PIK3C2G: variants seen among roughly 807,000 people sequenced by gnomAD.
PIK3C2G encodes phosphatidylinositol 3-kinase C2 domain-containing subunit gamma.
In PIK3C2G, 168 loss-of-function variants were observed where a neutral mutation model predicts 181.1. The observed-to-expected ratio is 0.93, with a 90% CI of 0.82 to 1.05. The LOEUF is 1.05. Among genes scored for constraint, PIK3C2G ranks in the 50% least tolerant of loss-of-function variants. The pLI, the probability that PIK3C2G is intolerant of heterozygous loss-of-function variation, is 0.00. For missense variants in PIK3C2G, 1,869 were observed against 1,732.8 expected (o/e 1.08, Z -1.40); for synonymous variants, 573 against 592.2 (o/e 0.97, Z 0.47).
At chr12:18,502,798 A>C (rs1052529427) in intron 22 of PIK3C2G, among the ~76,000 whole-genome samples, 1 of 152,054 alleles carries the variant, frequency 6.6e-6, no homozygotes, top group African/African-American at 2.4e-5. Flanking sequence ...TATTCTGTTC[A>C]CTCCCGCAAA....
chr12:18,666,074 TAA>T, the PIK3C2G span, among the ~76,000 whole-genome samples: 2 of 151,796 alleles, frequency 1.3e-5, no homozygotes, highest in Non-Finnish European at 2.9e-5. Flanking sequence ...AATCTCCAGG[TAA>T]ACCATTAAGA....
intron 14 of PIK3C2G, among the ~76,000 whole-genome samples, chr12:18,389,571 T>C (rs1943408211): frequency 6.6e-6 from 1 of 152,314 alleles, no homozygotes; most frequent in African/African-American, 2.4e-5. Flanking sequence ...TAGATATTAC[T>C]TATATCTTTC....
chr12:18,446,806 G>A (rs911466945), intron 18 of PIK3C2G, among the ~76,000 whole-genome samples: 2 of 152,068 alleles, frequency 1.3e-5, no homozygotes, highest in Non-Finnish European at 2.9e-5. Context: ...CAAAATGAAG[G>A]GCACTCTGTT....
At chr12:18,610,280 C>T (rs1446214051) in intron 31 of PIK3C2G, among the ~76,000 whole-genome samples, 2 of 152,068 alleles carry the variant, frequency 1.3e-5, no homozygotes, top group Non-Finnish European at 1.5e-5. Context: ...AATGGGTTCT[C>T]CACGTGGTAT....
At chr12:18,368,045 C>T (rs1181757030) in intron 12 of PIK3C2G, among the ~76,000 whole-genome samples, 1 of 152,148 alleles carries the variant, frequency 6.6e-6, no homozygotes, top group Non-Finnish European at 1.5e-5. Flanking sequence ...TAAGAACTCA[C>T]TCACTATCAT....
chr12:18,348,415 T>C (rs1432707024), intron 11 of PIK3C2G, among the ~76,000 whole-genome samples: 1 of 151,996 alleles, frequency 6.6e-6, no homozygotes, highest in African/African-American at 2.4e-5. Context: ...AGAGTAAAAA[T>C]AGAGCACTTT....
chr12:18,520,002 T>TA (rs889312316), intron 24 of PIK3C2G, among the ~76,000 whole-genome samples: 1,970 of 46,268 alleles, frequency 0.043, 28 homozygotes, highest in African/African-American at 0.083. Flanking sequence ...CAATAAATAC[T>TA]AAAAAAAAAA....
chr12:18,425,386 CTTTTTTTTT>C (rs1228477062), intron 18 of PIK3C2G, among the ~76,000 whole-genome samples: 1 of 65,312 alleles, frequency 1.5e-5, no homozygotes, highest in African/African-American at 6.1e-5. Flanking sequence ...ACAGACATTT[CTTTTTTTTT>C]TTTTTTTTTT....
At chr12:18,598,838 G>C (rs1283723467) in intron 30 of PIK3C2G, among the ~76,000 whole-genome samples, 2 of 151,692 alleles carry the variant, frequency 1.3e-5, no homozygotes, top group African/African-American at 4.8e-5. Flanking sequence ...GTGGGCGAAG[G>C]ACATGAACAG....
intron 29 of PIK3C2G, among the ~76,000 whole-genome samples, chr12:18,580,556 T>C (rs1209720569): frequency 6.6e-6 from 1 of 152,210 alleles, no homozygotes; most frequent in African/African-American, 2.4e-5. Flanking sequence ...GCAGGATAAA[T>C]GTCATATGTG....
intron 28 of PIK3C2G, 62 bp downstream of exon 28, chr12:18,563,560 A>G: frequency 6.6e-7 from 1 of 1,505,478 alleles, no homozygotes; most frequent in Non-Finnish European, 9.1e-7. Flanking sequence ...AAAAAGAAAA[A>G]TTATGGTTAT....
intron 20 of PIK3C2G, 79 bp from the exon 21 acceptor site, chr12:18,495,983 T>G: frequency 3.0e-6 from 2 of 669,050 alleles, no homozygotes; most frequent in Non-Finnish European, 5.0e-6. Flanking sequence ...GGCTATGATT[T>G]TGGGGAAAAG....
the PIK3C2G span, chr12:18,696,062 A>G: frequency 1.4e-6 from 1 of 705,908 alleles, no homozygotes. Flanking sequence ...TTTTACAGAA[A>G]GCCCTTTTCA....
chr12:18,331,274 A>T (rs1444611290), intron 8 of PIK3C2G, among the ~76,000 whole-genome samples: 1 of 152,136 alleles, frequency 6.6e-6, no homozygotes, highest in Non-Finnish European at 1.5e-5. Flanking sequence ...TTGATATTTT[A>T]AAAAATTGTA....
At chr12:18,265,126 C>T (rs1204668847) in intron 1 of PIK3C2G, among the ~76,000 whole-genome samples, 1 of 152,096 alleles carries the variant, frequency 6.6e-6, no homozygotes, top group Non-Finnish European at 1.5e-5. Flanking sequence ...ATTCAAACTC[C>T]AAGGAGAAAA....
intron 5 of PIK3C2G, 36 bp downstream of exon 5, chr12:18,294,051 C>T (rs201870164): frequency 2.5e-4 from 231 of 923,956 alleles, no homozygotes; most frequent in Non-Finnish European, 3.1e-4. Context: ...GTATTATAAT[C>T]TGTAAATATT....
intron 18 of PIK3C2G, among the ~76,000 whole-genome samples, chr12:18,475,373 A>ACACAC (rs1938870745): frequency 4.3e-5 from 6 of 139,920 alleles, no homozygotes; most frequent in Non-Finnish European, 6.2e-5. Context: ...CCACCACCCC[A>ACACAC]ACACACACAC....
chr12:18,623,233 T>C (rs541044075), intron 31 of PIK3C2G, among the ~76,000 whole-genome samples: 2 of 151,950 alleles, frequency 1.3e-5, no homozygotes, highest in Admixed American at 1.3e-4. Context: ...TGGTGTGAGA[T>C]AAGGGTTCAA....
At chr12:18,628,417 G>A (rs1201616834) in intron 31 of PIK3C2G, among the ~76,000 whole-genome samples, 5 of 152,116 alleles carry the variant, frequency 3.3e-5, no homozygotes. Context: ...TATTACCCAT[G>A]TTTTTAAGAT....
Sources: allele counts gnomAD v4.1 joint callset (sites outside exome capture counted in the v4.1 genomes callset), GRCh38; gene constraint gnomAD v4.1.1; transcripts MANE v1.5; gene names NCBI Gene and HGNC (gene_info 2026-07-23, HGNC 2026-07-21).